FOXP2: variants seen among roughly 807,000 people sequenced by gnomAD.
FOXP2 encodes the protein forkhead box protein P2.
In FOXP2, 12 loss-of-function variants were observed where a neutral mutation model predicts 115.8. The ratio of observed to expected loss-of-function variants is 0.10; its 90% CI spans 0.07 to 0.17. The LOEUF is 0.17. FOXP2 is among the 10% of genes least tolerant of loss of function. The pLI, the probability that FOXP2 is intolerant of heterozygous loss-of-function variation, is 1.00. For missense variants in FOXP2, 629 were observed against 843.5 expected (o/e 0.75, Z 3.15); for synonymous variants, 328 against 297.7 (o/e 1.10, Z -1.05).
At chr7:114,592,271 G>T (rs1430320370) in intron 3 of FOXP2, among the ~76,000 whole-genome samples, 6 of 151,884 alleles carry the variant, frequency 4.0e-5, no homozygotes, top group Admixed American at 2.6e-4. Flanking sequence ...TTCATATGTA[G>T]TATTCTTATC....
intron 2 of FOXP2, among the ~76,000 whole-genome samples, chr7:114,326,494 G>A (rs1193707948): frequency 6.6e-6 from 1 of 152,094 alleles, no homozygotes; most frequent in Admixed American, 6.6e-5. Flanking sequence ...AAAGCCCTAA[G>A]CTTCATCTAT....
At chr7:114,673,289 C>T (rs1025505487) in intron 16 of FOXP2, among the ~76,000 whole-genome samples, 1 of 152,118 alleles carries the variant, frequency 6.6e-6, no homozygotes, top group African/African-American at 2.4e-5. Context: ...GGAATGGTAC[C>T]AATTGTATCT....
intron 10 of FOXP2, among the ~76,000 whole-genome samples, chr7:114,654,890 T>A (rs1431980723): frequency 2.0e-5 from 3 of 152,258 alleles, no homozygotes; most frequent in African/African-American, 7.2e-5. Flanking sequence ...AAGACGACTA[T>A]ATTGTCTAAT....
chr7:114,131,355 A>G (rs913552743), intron 1 of FOXP2, among the ~76,000 whole-genome samples: 2 of 152,178 alleles, frequency 1.3e-5, no homozygotes, highest in Admixed American at 6.5e-5. Context: ...ATTTTTGTTG[A>G]CCATCTAAAA....
intron 2 of FOXP2, among the ~76,000 whole-genome samples, chr7:114,325,503 T>G (rs955742526): frequency 6.6e-6 from 1 of 152,006 alleles, no homozygotes; most frequent in Admixed American, 6.5e-5. Context: ...ACTGATAATT[T>G]TTTTTAATCC....
intron 2 of FOXP2, among the ~76,000 whole-genome samples, chr7:114,457,011 G>C (rs145165069): frequency 6.6e-6 from 1 of 152,220 alleles, no homozygotes; most frequent in Non-Finnish European, 1.5e-5. Flanking sequence ...TGATTATCAA[G>C]GGCAAGGAGT....
At chr7:114,359,292 G>T (rs1216354668) in intron 2 of FOXP2, among the ~76,000 whole-genome samples, 2 of 152,238 alleles carry the variant, frequency 1.3e-5, no homozygotes, top group Admixed American at 1.3e-4. Flanking sequence ...CTAGATTTCA[G>T]TGGATGTATG....
chr7:114,148,259 C>T (rs1792431418), intron 1 of FOXP2, among the ~76,000 whole-genome samples: 1 of 152,142 alleles, frequency 6.6e-6, no homozygotes, highest in Non-Finnish European at 1.5e-5. Flanking sequence ...TCTATTGAGT[C>T]TTCTCATCCA....
intron 2 of FOXP2, among the ~76,000 whole-genome samples, chr7:114,484,947 T>G (rs568749508): frequency 1.1e-4 from 16 of 152,074 alleles, no homozygotes; most frequent in Admixed American, 7.9e-4. Context: ...AGGTACTATG[T>G]ACTCTGGATT....
At chr7:114,436,041 T>C (rs1794331050) in intron 2 of FOXP2, among the ~76,000 whole-genome samples, 1 of 152,052 alleles carries the variant, frequency 6.6e-6, no homozygotes, top group Non-Finnish European at 1.5e-5. Flanking sequence ...TGTGAAGCAT[T>C]GGGAAAAATT....
rs185271793 is a variant in FOXP2 at position 114,350,864 on chromosome 7, A to G, written c.-11+62755A>G. Among the ~76,000 whole-genome samples the G allele has an allele frequency of 3.1e-3, 475 of 152,260 alleles. 3 individuals are homozygous for G. Among genetic ancestry groups the G allele is most frequent in the Middle Eastern group, 6.8e-3 (2 of 294 alleles). On this transcript the variant is annotated intron_variant, in intron 2 of 17. Transcript: ENST00000634411. Reference sequence around the variant, plus strand: ...CAAAGACTCCCTCACATCCCTGCAAATACCAAAATCCAGGGATGCTTAAGT... The same window carrying G: ...CAAAGACTCCCTCACATCCCTGCAAGTACCAAAATCCAGGGATGCTTAAGT...
chr7:114,121,615 C>T (rs537339969), intron 1 of FOXP2, among the ~76,000 whole-genome samples: 26 of 152,022 alleles, frequency 1.7e-4, no homozygotes, highest in African/African-American at 5.8e-4. Context: ...CATGTCTGTA[C>T]GACTGCATTC....
chr7:114,428,348 A>G (rs1793962753), intron 2 of FOXP2, among the ~76,000 whole-genome samples: 1 of 151,574 alleles, frequency 6.6e-6, no homozygotes, highest in Non-Finnish European at 1.5e-5. Flanking sequence ...AGTACTCTGG[A>G]GGCATTTTGA....
At chr7:114,681,741 T>C (rs1467890785) in intron 16 of FOXP2, among the ~76,000 whole-genome samples, 1 of 152,212 alleles carries the variant, frequency 6.6e-6, no homozygotes, top group Non-Finnish European at 1.5e-5. Context: ...TATGTTGTGT[T>C]GTTTTATTTC....
chr7:114,248,138 T>C (rs1795335984), intron 1 of FOXP2, among the ~76,000 whole-genome samples: 1 of 151,930 alleles, frequency 6.6e-6, no homozygotes, highest in African/African-American at 2.4e-5. Context: ...AAGTTCAGTC[T>C]GTGTCTGAAG....
chr7:114,181,295 A>AT (rs1212122198), intron 1 of FOXP2, among the ~76,000 whole-genome samples: 64 of 138,352 alleles, frequency 4.6e-4, no homozygotes, highest in Non-Finnish European at 6.7e-4. Context: ...TATATATATA[A>AT]AATGAAGGAT....
intron 2 of FOXP2, among the ~76,000 whole-genome samples, chr7:114,374,838 C>T (rs1792102505): frequency 6.6e-6 from 1 of 152,130 alleles, no homozygotes; most frequent in Non-Finnish European, 1.5e-5. Flanking sequence ...ATACAAGACT[C>T]TATATCTGAT....
At chr7:114,618,427 C>A (rs1339313987) in intron 3 of FOXP2, among the ~76,000 whole-genome samples, 5 of 152,128 alleles carry the variant, frequency 3.3e-5, no homozygotes, top group Non-Finnish European at 5.9e-5. Context: ...GGAATCCTAA[C>A]ACTTGAAACC....
In FOXP2 at chr7:114,693,015, C is replaced by T. The variant is rs1359413288; in HGVS notation, c.*3089C>T. ...CTAGGATTTGAAAGAAAACTGTCTACCTCTAACACCAGGGAGTTATCAGAT... is the reference window on the plus strand; with the variant it reads ...CTAGGATTTGAAAGAAAACTGTCTATCTCTAACACCAGGGAGTTATCAGAT... On this transcript the variant is annotated 3_prime_UTR_variant, in exon 17 of 17. Transcript: ENST00000350908. The T allele has an allele frequency of 4.4e-6, 2 of 453,762 alleles. No homozygotes were observed. The highest frequency in any genetic ancestry group is 8.8e-6 in the Non-Finnish European group (2 of 226,680). The allele number at this position is 453,762 out of a possible 1,614,324, so 28.1% of individuals were successfully genotyped here. A position where few individuals can be genotyped will look rare whatever the true frequency, so the allele number is the denominator to read the frequency against.
Sources: gnomAD v4.1 joint callset for allele counts (sites outside exome capture counted in the v4.1 genomes callset) on GRCh38, gnomAD v4.1.1 for gene constraint, MANE v1.5 for transcripts, NCBI Gene and HGNC (gene_info 2026-07-23, HGNC 2026-07-21) for gene names.